The following NLRP5 variants were observed in gnomAD, a reference collection of about 807,000 sequenced individuals.
The protein encoded by NLRP5 is NACHT, LRR and PYD domains-containing protein 5.
NLRP5 carries 93 observed loss-of-function variants against 113.1 expected under a neutral mutation model. That is an observed-to-expected ratio of 0.82 (90% confidence interval 0.70 to 0.98). The LOEUF is 0.98. Ranked by LOEUF, NLRP5 falls within the 50% of genes least tolerant of loss-of-function variation. The pLI is 0.00. For synonymous variants in NLRP5, 751 were observed against 600.7 expected, an observed-to-expected ratio of 1.25 and a Z score of -3.66; for missense variants, 1,808 against 1,514.3, an observed-to-expected ratio of 1.19 and a Z score of -3.22.
intron 11 of NLRP5, 129 bp from the exon 12 acceptor site, chr19:56,050,289 G>GAAA: frequency 2.7e-5 from 18 of 664,874 alleles, no homozygotes; most frequent in East Asian, 3.5e-5. Context: ...AAAAAAAAAA[G>GAAA]AAAAAAAAAC....
At chr19:55,999,843 T>G in intron 1 of NLRP5, 4 of 1,324,550 alleles carry the variant, frequency 3.0e-6, no homozygotes, top group Non-Finnish European at 3.3e-6. Flanking sequence ...CTTGGTACCA[T>G]GACACACGGA....
Position 56,008,868 on chromosome 19 carries a change from G to A in NLRP5, c.508+15G>A, listed in dbSNP as rs762335945. On this transcript the variant is annotated intron_variant, in intron 3 of 14. Coordinates refer to ENST00000390649, the MANE Select transcript of NLRP5 (RefSeq NM_153447.4). ...AAAAGTGCCAGGTTAGAGGGGTGGAGTTGGGGGAAATAGGATGTGCTTAAA... is the reference window on the plus strand; with the variant it reads ...AAAAGTGCCAGGTTAGAGGGGTGGAATTGGGGGAAATAGGATGTGCTTAAA... 5.0e-6 allele frequency: 8 copies of A among 1,609,536 alleles called. No homozygotes were observed. In the African/African-American group the frequency reaches 8.0e-5, roughly 16 times the overall value.
chr19:56,055,753 G>A (rs954327958), intron 13 of NLRP5, among the ~76,000 whole-genome samples: 2 of 151,492 alleles, frequency 1.3e-5, no homozygotes, highest in South Asian at 2.1e-4. Flanking sequence ...CACCGTGTTA[G>A]CCAGGATGGT....
chr19:56,019,836 A>G (rs3091272), intron 5 of NLRP5, among the ~76,000 whole-genome samples: 1,806 of 135,112 alleles, frequency 0.013, 71 homozygotes, highest in African/African-American at 0.046. Context: ...TCTTGCCTTC[A>G]TGGCATTTTT....
intron 10 of NLRP5, among the ~76,000 whole-genome samples, chr19:56,038,430 A>G (rs1983399680): frequency 6.6e-6 from 1 of 152,220 alleles, no homozygotes; most frequent in African/African-American, 2.4e-5. Context: ...GGAATCAGCC[A>G]GGTGGAAATT....
chr19:55,994,399 G>T, the NLRP5 span, among the ~76,000 whole-genome samples: 2 of 151,894 alleles, frequency 1.3e-5, no homozygotes, highest in South Asian at 2.1e-4. Context: ...CCCATTCTGC[G>T]GGGTTTTTTT....
chr19:55,998,734 A>ATATATATATATATGTG (rs1981474545), upstream of NLRP5, among the ~76,000 whole-genome samples: 2 of 125,572 alleles, frequency 1.6e-5, no homozygotes, highest in African/African-American at 3.0e-5. Flanking sequence ...ATATATGTGT[A>ATATATATATATATGTG]TATATATATA....
chr19:56,003,065 A>G (rs1981717698), intron 1 of NLRP5, among the ~76,000 whole-genome samples: 1 of 150,722 alleles, frequency 6.6e-6, no homozygotes, highest in South Asian at 2.1e-4. Context: ...TCAGGGATCT[A>G]GAACTAGAAA....
chr19:56,019,530 A>C (rs1982535112), intron 5 of NLRP5, 132 bp downstream of exon 5: 1 of 991,494 alleles, frequency 1.0e-6, no homozygotes, highest in East Asian at 2.6e-5. Context: ...TCTGGTGTCA[A>C]CCCCTTCCCT....
Position 56,056,661 on chromosome 19 carries a change from T to C in NLRP5, c.3300-1579T>C, listed in dbSNP as rs1311514797. On this transcript the variant is annotated intron_variant, in intron 13 of 14. Transcript: ENST00000390649. ...ACAATCATCCGTGTGCAGCACCTTATACCATCACTGATTTACCTCTCCCTT... is the reference window on the plus strand; with the variant it reads ...ACAATCATCCGTGTGCAGCACCTTACACCATCACTGATTTACCTCTCCCTT... 3.3e-5 allele frequency among the ~76,000 whole-genome samples: 5 copies of C among 152,350 alleles called. No individual in the cohort carries two copies. The East Asian group carries it at 9.6e-4, about 29-fold the overall frequency.
At chr19:56,036,531 C>T (rs923820858) in intron 9 of NLRP5, among the ~76,000 whole-genome samples, 3 of 152,188 alleles carry the variant, frequency 2.0e-5, no homozygotes, top group African/African-American at 7.2e-5. Context: ...TGCTGATGAA[C>T]AAAACGAGAT....
chr19:56,048,964 T>C (rs755681571), intron 11 of NLRP5, among the ~76,000 whole-genome samples: 2 of 132,156 alleles, frequency 1.5e-5, no homozygotes, highest in Non-Finnish European at 3.1e-5. Context: ...CTTCAAGCTC[T>C]GATTTTTTTT....
upstream of NLRP5, chr19:55,999,603 C>T (rs556142934): frequency 2.1e-5 from 16 of 755,682 alleles, no homozygotes; most frequent in Middle Eastern, 2.4e-4. Flanking sequence ...CCCTTCCGAC[C>T]GGCTCACTTG....
intron 2 of NLRP5, 68 bp from the exon 3 acceptor site, chr19:56,008,720 C>T (rs1344823266): frequency 4.3e-6 from 6 of 1,396,764 alleles, no homozygotes; most frequent in Non-Finnish European, 5.0e-6. Context: ...ACGGGACATT[C>T]TTATCCTTGG....
intron 6 of NLRP5, among the ~76,000 whole-genome samples, chr19:56,023,037 G>A (rs534280422): frequency 6.6e-6 from 1 of 152,292 alleles, no homozygotes; most frequent in East Asian, 1.9e-4. Flanking sequence ...GACAAAAGAT[G>A]AGTTTTTGAT....
At chr19:56,019,593 T>A (rs1332534562) in intron 5 of NLRP5, among the ~76,000 whole-genome samples, 195 bp downstream of exon 5, 1 of 152,114 alleles carries the variant, frequency 6.6e-6, no homozygotes, top group African/African-American at 2.4e-5. Flanking sequence ...ACTGTGATTA[T>A]CTACAGTCAG....
At chr19:56,026,821 C>A in intron 6 of NLRP5, 92 bp from the exon 7 acceptor site, 1 of 1,323,214 alleles carries the variant, frequency 7.6e-7, no homozygotes, top group Non-Finnish European at 1.0e-6. Flanking sequence ...GGTGATATGC[C>A]CATCTTGACC....
intron 6 of NLRP5, among the ~76,000 whole-genome samples, chr19:56,023,328 G>C (rs1478879684): frequency 6.6e-6 from 1 of 152,168 alleles, no homozygotes; most frequent in Non-Finnish European, 1.5e-5. Flanking sequence ...TCAGCAAATA[G>C]AGGTTCTAGT....
intron 13 of NLRP5, among the ~76,000 whole-genome samples, chr19:56,057,817 G>A (rs1984211585): frequency 6.6e-6 from 1 of 152,080 alleles, no homozygotes; most frequent in South Asian, 2.1e-4. Context: ...TGTGAGGTCA[G>A]GAGTTCAAGA....
Sources: gnomAD v4.1 joint callset for allele counts (sites outside exome capture counted in the v4.1 genomes callset) on GRCh38, gnomAD v4.1.1 for gene constraint, MANE v1.5 for transcripts, NCBI Gene and HGNC (gene_info 2026-07-23, HGNC 2026-07-21) for gene names.